The following KIF16B variants were observed in gnomAD, a reference collection of about 807,000 sequenced individuals.
The protein encoded by KIF16B is kinesin family member 16B.
Under a neutral mutation model 156.3 loss-of-function variants are expected in KIF16B, and 98 were observed. The observed-to-expected ratio is 0.63, with a 90% confidence interval of 0.53 to 0.74. KIF16B has a LOEUF of 0.74. KIF16B is among the 30% of genes least tolerant of loss of function. The pLI, the probability that KIF16B is intolerant of heterozygous loss-of-function variation, is 0.00. For synonymous variants in KIF16B, 564 were observed against 583.7 expected (o/e 0.97, Z 0.49); for missense variants, 1,421 against 1,606.5 (o/e 0.88, Z 1.97).
intron 17 of KIF16B, among the ~76,000 whole-genome samples, chr20:16,401,624 G>C (rs1287582345): frequency 6.6e-6 from 1 of 152,206 alleles, no homozygotes; most frequent in African/African-American, 2.4e-5. Flanking sequence ...ACCTTAAAAA[G>C]CTTCCATTCT....
intron 4 of KIF16B, among the ~76,000 whole-genome samples, chr20:16,513,902 C>T (rs1211122087): frequency 2.0e-5 from 3 of 152,240 alleles, no homozygotes; most frequent in Admixed American, 2.0e-4. Context: ...GCTTTATTCA[C>T]ATGTTCCCTC....
At chr20:16,322,896 T>C (rs1313261234) in intron 24 of KIF16B, among the ~76,000 whole-genome samples, 1 of 151,968 alleles carries the variant, frequency 6.6e-6, no homozygotes, top group African/African-American at 2.4e-5. Context: ...CAACAGACAG[T>C]ATAAGCCATT....
chr20:16,293,530 A>G (rs1371902382), intron 25 of KIF16B, among the ~76,000 whole-genome samples: 1 of 152,176 alleles, frequency 6.6e-6, no homozygotes, highest in Non-Finnish European at 1.5e-5. Context: ...TTTCTCAGGA[A>G]GCTACTAGAG....
chr20:16,468,401 G>A (rs1013786077), intron 12 of KIF16B, among the ~76,000 whole-genome samples: 2 of 151,634 alleles, frequency 1.3e-5, no homozygotes, highest in Non-Finnish European at 2.9e-5. Context: ...GCGAAACTCC[G>A]TCTCTATCAC....
At chr20:16,358,059 T>C (rs1246327832) in intron 22 of KIF16B, among the ~76,000 whole-genome samples, 2 of 152,038 alleles carry the variant, frequency 1.3e-5, no homozygotes, top group African/African-American at 4.8e-5. Context: ...AGTGGTGGCA[T>C]GCGCCTGTAG....
intron 1 of KIF16B, among the ~76,000 whole-genome samples, chr20:16,529,363 C>T (rs1003478343): frequency 6.6e-6 from 1 of 152,040 alleles, no homozygotes; most frequent in African/African-American, 2.4e-5. Context: ...TAAGTTGAAG[C>T]GAATGAATCT....
At chr20:16,457,805 A>G (rs2067249733) in intron 12 of KIF16B, among the ~76,000 whole-genome samples, 1 of 152,146 alleles carries the variant, frequency 6.6e-6, no homozygotes, top group Non-Finnish European at 1.5e-5. Context: ...GGCAAAAAAA[A>G]TCAAGCACAG....
chr20:16,477,745 G>A (rs116507332), intron 12 of KIF16B, among the ~76,000 whole-genome samples: 60 of 152,224 alleles, frequency 3.9e-4, no homozygotes, highest in African/African-American at 1.4e-3. Flanking sequence ...TATGCCTGGC[G>A]TTTTCTACTA....
Position 16,379,470 on chromosome 20 carries a change from A to C in KIF16B, c.2532T>G (p.Val844=). 1 of 1,614,046 alleles carries C rather than the reference A, an allele frequency of 6.2e-7. No individual in the cohort carries two copies. Among genetic ancestry groups the C allele is most frequent in the Non-Finnish European group, 8.5e-7 (1 of 1,180,038 alleles). Residue 844 remains valine, a synonymous_variant, in exon 19 of 26, where the codon GTT becomes GTG. Coordinates refer to ENST00000354981, the MANE Select transcript of KIF16B (RefSeq NM_024704.5). The part of the protein sequence containing the change: ...VKLVNLEKDL[V]QQKDILKKEV... ...CTTTTTTCAGGATGTCTTTCTGCTG[A>C]ACCAGGTCCTTCTCCAAGTTCACTA...
intron 22 of KIF16B, among the ~76,000 whole-genome samples, chr20:16,359,990 C>T (rs2064521531): frequency 6.6e-6 from 1 of 152,186 alleles, no homozygotes; most frequent in East Asian, 1.9e-4. Flanking sequence ...TTCAATCTTA[C>T]TGATTTCATA....
rs1463368245 is a variant in KIF16B, at chr20:16,272,138, C to T, written c.*1115G>A. Reference sequence around the variant, plus strand: ...TAACTTCATTTAATATTGATAGCAGCTCAATTTAAATTTTGAAAAAGCAAA... The same window carrying T: ...TAACTTCATTTAATATTGATAGCAGTTCAATTTAAATTTTGAAAAAGCAAA... On this transcript the variant is annotated 3_prime_UTR_variant, in exon 26 of 26. Coordinates refer to ENST00000354981, the MANE Select transcript of KIF16B (RefSeq NM_024704.5). 6.6e-6 allele frequency: 1 copy of T among 152,502 alleles called. No homozygotes were observed. The highest frequency in any genetic ancestry group is 2.4e-5 in the African/African-American group (1 of 41,404). The allele number at this position is 152,502 out of a possible 1,614,324, so 9.4% of individuals were successfully genotyped here.
chr20:16,353,793 C>T (rs902416402), intron 23 of KIF16B, among the ~76,000 whole-genome samples: 2 of 152,096 alleles, frequency 1.3e-5, no homozygotes, highest in Non-Finnish European at 2.9e-5. Context: ...CTCATACTAC[C>T]CCATGACAAG....
At chr20:16,517,434 T>C (rs1456058728) in intron 3 of KIF16B, among the ~76,000 whole-genome samples, 2 of 152,198 alleles carry the variant, frequency 1.3e-5, no homozygotes. Flanking sequence ...CTTTCGTGTG[T>C]TCATGTATAA....
intron 23 of KIF16B, among the ~76,000 whole-genome samples, chr20:16,340,759 C>T (rs2064126863): frequency 6.6e-6 from 1 of 152,178 alleles, no homozygotes; most frequent in African/African-American, 2.4e-5. Flanking sequence ...TACTTCGAAC[C>T]TGCCTCACAA....
intron 1 of KIF16B, among the ~76,000 whole-genome samples, chr20:16,566,371 C>G (rs891818125): frequency 6.6e-6 from 1 of 152,198 alleles, no homozygotes; most frequent in African/African-American, 2.4e-5. Context: ...TTGCACAGCC[C>G]TTGGCAAATG....
At chr20:16,528,619 C>T (rs2069637229) in intron 1 of KIF16B, among the ~76,000 whole-genome samples, 179 bp from the exon 2 acceptor site, 1 of 152,108 alleles carries the variant, frequency 6.6e-6, no homozygotes, top group Non-Finnish European at 1.5e-5. Flanking sequence ...TGAAGATACG[C>T]AAAATGATGC....
chr20:16,522,231 T>C (rs905006216), intron 3 of KIF16B, among the ~76,000 whole-genome samples: 5 of 151,696 alleles, frequency 3.3e-5, no homozygotes, highest in Non-Finnish European at 7.4e-5. Flanking sequence ...GACTGGCAAA[T>C]TAGATAGAGT....
chr20:16,505,971 T>TGAGGAAAAAGAG (rs2068763815), intron 8 of KIF16B, 51 bp downstream of exon 8: 2 of 1,608,426 alleles, frequency 1.2e-6, no homozygotes, highest in Admixed American at 3.3e-5. Flanking sequence ...ATATTACACA[T>TGAGGAAAAAGAG]GAGGAAAAAG....
chr20:16,508,817 C>T (rs2068868257), intron 6 of KIF16B, among the ~76,000 whole-genome samples: 1 of 152,166 alleles, frequency 6.6e-6, no homozygotes, highest in African/African-American at 2.4e-5. Flanking sequence ...AAGAAAAATG[C>T]AAAAGCACTG....
Sources: allele counts gnomAD v4.1 joint callset (sites outside exome capture counted in the v4.1 genomes callset), GRCh38; gene constraint gnomAD v4.1.1; transcripts MANE v1.5; gene names NCBI Gene and HGNC (gene_info 2026-07-23, HGNC 2026-07-21).